The following DIABLO variants were observed in gnomAD, a reference collection of about 807,000 sequenced individuals.
DIABLO encodes the protein diablo homolog, mitochondrial.
A neutral mutation model predicts 31.7 loss-of-function variants in DIABLO; 32 were observed. The ratio of observed to expected loss-of-function variants is 1.01; its 90% CI spans 0.76 to 1.35. DIABLO has a LOEUF of 1.35. DIABLO is among the 40% of genes most tolerant of loss of function. The probability of loss-of-function intolerance (pLI) is 0.00; values close to 1 mark genes in which losing one functional copy is unlikely to be tolerated. For synonymous variants in DIABLO, 132 were observed against 103.2 expected (o/e 1.28, Z -1.69); for missense variants, 316 against 286.4 (o/e 1.10, Z -0.75).
At chr12:122,225,848 G>A (rs533152366) in intron 1 of DIABLO, 117 bp downstream of exon 1, 143 of 1,529,288 alleles carry the variant, frequency 9.4e-5, no homozygotes, top group Middle Eastern at 6.8e-4. Flanking sequence ...CCGCGACCCA[G>A]CTGGGCGGAC....
chr12:122,221,292 A>C (rs1331188620), intron 2 of DIABLO: 1 of 152,226 alleles, frequency 6.6e-6, no homozygotes, highest in African/African-American at 2.4e-5. Context: ...GAGGAAAATA[A>C]TACTTTTGTT....
Position 122,208,288 on chromosome 12 carries a change from C to A in DIABLO, c.*93G>T, listed in dbSNP as rs775703143. ...CAGGGCAGGATCTGCCGCCTCTTCT[C>A]GGTGCACAGACAGTCATGCCAACCC... On this transcript the variant is annotated 3_prime_UTR_variant, in exon 6 of 6. Coordinates refer to ENST00000464942, the MANE Select transcript of DIABLO (RefSeq NM_001371333.1). 10 of 1,470,042 alleles carry A rather than the reference C, an allele frequency of 6.8e-6. No individual in the cohort carries two copies. The African/African-American group carries it at 1.1e-4, about 16-fold the overall frequency. 91.1% of individuals were successfully genotyped at this position (1,470,042 alleles called of 1,614,324 possible).
At chr12:122,213,126 C>T (rs1954124234) in intron 5 of DIABLO, among the ~76,000 whole-genome samples, 1 of 152,106 alleles carries the variant, frequency 6.6e-6, no homozygotes, top group African/African-American at 2.4e-5. Context: ...GTTGTCAAGT[C>T]TGGTCTCGAA....
At position 122,218,364 on chromosome 12, in the gene DIABLO, A is replaced by T; in HGVS notation, c.217T>A (p.Leu73Met). The T allele has an allele frequency of 6.2e-7, 1 of 1,614,178 alleles. No homozygotes were observed. The highest frequency in any genetic ancestry group is 8.5e-7 in the Non-Finnish European group (1 of 1,180,010). Residue 73 changes from leucine (L) to methionine (M), a missense_variant, in exon 3 of 6, where the codon TTG becomes ATG. By Grantham distance (15) the Leu-to-Met change is conservative. Coordinates refer to ENST00000464942, the MANE Select transcript of DIABLO (RefSeq NM_001371333.1). ...SEPHSLSSEA[L>M]MRRAVSLVTD... is the part of the protein sequence containing the mutation. ...ACCAAAGACACTGCTCTCCTCATCA[A>T]TGCTTCACTACTAAGGGAATGAGGC...
At chr12:122,218,528 G>C in intron 2 of DIABLO, 131 bp from the exon 3 acceptor site, 1 of 1,227,812 alleles carries the variant, frequency 8.1e-7, no homozygotes, top group Non-Finnish European at 1.2e-6. Context: ...TATTTCTTTG[G>C]GTTATATTTT....
At chr12:122,219,466 AGCTACACTGG>A (rs1449129442) in intron 2 of DIABLO, among the ~76,000 whole-genome samples, 1 of 152,128 alleles carries the variant, frequency 6.6e-6, no homozygotes, top group Non-Finnish European at 1.5e-5. Context: ...AGTATGTATG[AGCTACACTGG>A]GGGCATGCAG....
chr12:122,214,845 T>C (rs889235286), intron 5 of DIABLO, among the ~76,000 whole-genome samples: 7 of 152,108 alleles, frequency 4.6e-5, no homozygotes, highest in Non-Finnish European at 1.0e-4. Context: ...CGTGTGCCAC[T>C]ACACCTGGCT....
chr12:122,225,707 G>A (rs1954447742), intron 1 of DIABLO: 4 of 1,413,222 alleles, frequency 2.8e-6, no homozygotes, highest in East Asian at 2.6e-5. Flanking sequence ...AGGAGGCGGA[G>A]CAGCCCCAAG....
At chr12:122,226,759 C>G, upstream of DIABLO, 1 of 561,022 alleles carries the variant, frequency 1.8e-6, no homozygotes, top group Non-Finnish European at 3.2e-6. Flanking sequence ...TCAACCCAAA[C>G]TGCCCTCGTT....
At chr12:122,208,918 G>T (rs957996944) in intron 5 of DIABLO, 1 of 385,980 alleles carries the variant, frequency 2.6e-6, no homozygotes, top group Admixed American at 3.5e-5. Context: ...TTTTGACAAA[G>T]AGATCATGAA....
At chr12:122,221,785 A>C (rs1017720439) in intron 2 of DIABLO, 3 of 151,336 alleles carry the variant, frequency 2.0e-5, no homozygotes, top group Admixed American at 6.6e-5. Flanking sequence ...ACTGAGGTTA[A>C]CTGGGCTTAG....
At chr12:122,226,214 C>G (rs1173108613), upstream of DIABLO, 1 of 854,670 alleles carries the variant, frequency 1.2e-6, no homozygotes, top group East Asian at 2.6e-5. Context: ...GGCAACCAAC[C>G]GCCGGAACTT....
At chr12:122,226,073 G>A, upstream of DIABLO, 2 of 1,565,722 alleles carry the variant, frequency 1.3e-6, no homozygotes, top group Non-Finnish European at 1.7e-6. Flanking sequence ...CGTGAGCGCG[G>A]AGCGGGGCAC....
intron 1 of DIABLO, chr12:122,225,675 G>A (rs1954446477): frequency 7.3e-7 from 1 of 1,376,874 alleles, no homozygotes; most frequent in Non-Finnish European, 9.4e-7. Flanking sequence ...CAGGGACTTC[G>A]AGTGGCTGAC....
intron 2 of DIABLO, chr12:122,221,268 G>C (rs1332517056): frequency 1.3e-5 from 2 of 152,340 alleles, no homozygotes; most frequent in East Asian, 3.9e-4. Context: ...GCATCCTGGA[G>C]AATAGGTAAC....
chr12:122,225,644 C>A, intron 1 of DIABLO: 1 of 1,319,658 alleles, frequency 7.6e-7, no homozygotes. Flanking sequence ...TGCCGTGTCC[C>A]TCCTCCTCTC....
chr12:122,218,155 G>T, intron 3 of DIABLO, 111 bp downstream of exon 3: 1 of 1,285,894 alleles, frequency 7.8e-7, no homozygotes, highest in Non-Finnish European at 1.1e-6. Flanking sequence ...AAACAAATAG[G>T]CCTGGCTATG....
chr12:122,208,856 C>T lies in DIABLO; in HGVS notation c.524-279G>A, dbSNP rs188462800. On this transcript the variant is annotated intron_variant, in intron 5 of 5. Coordinates refer to ENST00000464942, the MANE Select transcript of DIABLO (RefSeq NM_001371333.1). ...CACAATCATCTTTATAGCTACAGAG[C>T]TTTTAGTACAGACCTTTGATTAATT... is the stretch of plus-strand genomic sequence containing the variant. 104 of 537,932 alleles carry T rather than the reference C, an allele frequency of 1.9e-4. 1 individual carries two copies. Among genetic ancestry groups the T allele is most frequent in the African/African-American group, 1.6e-3 (86 of 52,964 alleles). 33.3% of individuals were successfully genotyped at this position (537,932 alleles called of 1,614,324 possible).
In DIABLO at chr12:122,211,137, C is replaced by T. The variant is rs1025339895; in HGVS notation, c.524-2560G>A. Among the ~76,000 whole-genome samples the T allele has an allele frequency of 3.6e-4, 51 of 141,942 alleles. 1 individual carries two copies. Among genetic ancestry groups the T allele is most frequent in the African/African-American group, 1.2e-3 (44 of 37,902 alleles). The allele number at this position is 141,942 out of a possible 152,430, so 93.1% of individuals were successfully genotyped here. A position where few individuals can be genotyped will look rare whatever the true frequency, so the allele number is the denominator to read the frequency against. ...AATCACAGACGGGCACAGTGGCTCACGCCTGTAATCCCAGCACTTTGGGAG... is the reference window on the plus strand; with the variant it reads ...AATCACAGACGGGCACAGTGGCTCATGCCTGTAATCCCAGCACTTTGGGAG... On this transcript the variant is annotated intron_variant, in intron 5 of 5. Coordinates refer to ENST00000464942, the MANE Select transcript of DIABLO (RefSeq NM_001371333.1).
Sources: allele counts gnomAD v4.1 joint callset (sites outside exome capture counted in the v4.1 genomes callset), GRCh38; gene constraint gnomAD v4.1.1; transcripts MANE v1.5; gene names NCBI Gene and HGNC (gene_info 2026-07-23, HGNC 2026-07-21).